Variants in TASP1 observed in about 807,000 individuals in gnomAD.
TASP1 encodes taspase 1.
In TASP1, 16 loss-of-function variants were observed where a neutral mutation model predicts 56.6. The ratio of observed to expected loss-of-function variants is 0.28; its 90% confidence interval spans 0.19 to 0.43. The LOEUF is 0.43. TASP1 is among the 20% of genes least tolerant of loss of function. The pLI is 1.00. For synonymous variants in TASP1, 179 were observed against 184.2 expected (o/e 0.97, Z 0.23); for missense variants, 393 against 511.6 (o/e 0.77, Z 2.24).
the TASP1 span, among the ~76,000 whole-genome samples, chr20:13,147,583 G>A: frequency 6.6e-6 from 1 of 152,150 alleles, no homozygotes; most frequent in Non-Finnish European, 1.5e-5. Flanking sequence ...GGAGGGGCAG[G>A]GGAAATTAGG....
At chr20:13,511,819 T>C (rs1422133214) in intron 10 of TASP1, among the ~76,000 whole-genome samples, 2 of 141,524 alleles carry the variant, frequency 1.4e-5, no homozygotes, top group African/African-American at 5.2e-5. Context: ...AGTGTTCTCA[T>C]TGTTCAATTC....
At chr20:13,582,836 T>C (rs558739276) in intron 5 of TASP1, among the ~76,000 whole-genome samples, 1 of 152,280 alleles carries the variant, frequency 6.6e-6, no homozygotes, top group African/African-American at 2.4e-5. Context: ...TGTGTGAAAA[T>C]GGATATGGGC....
In TASP1 at chr20:13,594,232, A is replaced by C. The variant is rs137904045; in HGVS notation, c.283-6862T>G. Reference sequence around the variant, plus strand: ...AAAACCCCATCTGTAGGTCACCAACATCAAAGACAAAAGGTAGATAAAACC... The same window carrying C: ...AAAACCCCATCTGTAGGTCACCAACCTCAAAGACAAAAGGTAGATAAAACC... On this transcript the variant is annotated intron_variant, in intron 4 of 13. Coordinates refer to ENST00000337743, the MANE Select transcript of TASP1 (RefSeq NM_017714.3). Among the ~76,000 whole-genome samples the C allele has an allele frequency of 2.8e-3, 432 of 152,348 alleles. 2 individuals carry two copies. The highest frequency in any genetic ancestry group is 0.014 in the Middle Eastern group (4 of 294).
the TASP1 span, among the ~76,000 whole-genome samples, chr20:13,383,235 G>C: frequency 6.6e-6 from 1 of 152,188 alleles, no homozygotes; most frequent in Non-Finnish European, 1.5e-5. Flanking sequence ...ACAGGTGACT[G>C]TCAGGACAAG....
At chr20:13,366,867 T>TACAC in the TASP1 span, among the ~76,000 whole-genome samples, 68,600 of 150,462 alleles carry the variant, frequency 0.46, 17,321 homozygotes, top group East Asian at 0.58. Context: ...CTGATTTGAC[T>TACAC]ACACACACAC....
At chr20:13,469,922 C>T (rs2044422802) in intron 11 of TASP1, among the ~76,000 whole-genome samples, 1 of 147,962 alleles carries the variant, frequency 6.8e-6, no homozygotes, top group African/African-American at 2.5e-5. Flanking sequence ...TGTTCTCCTG[C>T]CTCAGCCTCC....
chr20:13,314,764 T>C, the TASP1 span, among the ~76,000 whole-genome samples: 1 of 152,122 alleles, frequency 6.6e-6, no homozygotes, highest in Non-Finnish European at 1.5e-5. Flanking sequence ...ATCTAACAGA[T>C]AACAGTGTGT....
intron 1 of TASP1, among the ~76,000 whole-genome samples, chr20:13,631,258 A>C (rs992096080): frequency 3.3e-5 from 5 of 152,322 alleles, no homozygotes; most frequent in East Asian, 1.9e-4. Context: ...TTGCATTCAA[A>C]TATTTATACA....
intron 11 of TASP1, among the ~76,000 whole-genome samples, chr20:13,439,960 A>G (rs1395475098): frequency 6.6e-6 from 1 of 152,148 alleles, no homozygotes; most frequent in Non-Finnish European, 1.5e-5. Context: ...ACAACTCATG[A>G]AAAAGGGGCC....
the TASP1 span, among the ~76,000 whole-genome samples, chr20:13,274,169 G>A: frequency 2.0e-5 from 3 of 152,120 alleles, no homozygotes; most frequent in Non-Finnish European, 2.9e-5. Flanking sequence ...GTGTAAACCA[G>A]TTCCCTGGTG....
At chr20:13,505,512 T>A (rs2146675626) in intron 10 of TASP1, among the ~76,000 whole-genome samples, 1 of 152,278 alleles carries the variant, frequency 6.6e-6, no homozygotes, top group Non-Finnish European at 1.5e-5. Context: ...CTTTCCAGGA[T>A]GTGCTAGGCC....
At chr20:13,215,652 C>G in the TASP1 span, among the ~76,000 whole-genome samples, 2 of 152,212 alleles carry the variant, frequency 1.3e-5, no homozygotes, top group African/African-American at 4.8e-5. Context: ...CAGCCTTGTT[C>G]TGGGGAAGAA....
intron 11 of TASP1, among the ~76,000 whole-genome samples, chr20:13,455,026 C>T (rs539338434): frequency 6.6e-6 from 1 of 152,096 alleles, no homozygotes; most frequent in African/African-American, 2.4e-5. Context: ...GTCTAGGAGC[C>T]TTGGGCTGTG....
chr20:13,126,818 C>A, the TASP1 span: 2 of 1,422,992 alleles, frequency 1.4e-6, no homozygotes, highest in South Asian at 1.5e-5. Context: ...TCTTATAGAA[C>A]CCTATTTGTA....
At chr20:13,541,738 T>C (rs1300157717) in intron 8 of TASP1, among the ~76,000 whole-genome samples, 1 of 151,968 alleles carries the variant, frequency 6.6e-6, no homozygotes, top group East Asian at 1.9e-4. Flanking sequence ...GTTGAATGGA[T>C]GAATAAATAA....
chr20:13,551,961 T>C (rs2045994647), intron 8 of TASP1, among the ~76,000 whole-genome samples: 1 of 152,206 alleles, frequency 6.6e-6, no homozygotes, highest in South Asian at 2.1e-4. Context: ...GCAGAAATTA[T>C]GGAAGATACA....
chr20:13,584,780 A>G (rs2047245036), intron 5 of TASP1, among the ~76,000 whole-genome samples: 1 of 152,192 alleles, frequency 6.6e-6, no homozygotes, highest in Non-Finnish European at 1.5e-5. Context: ...AAAGCTAACT[A>G]AAATGTCTTC....
the TASP1 span, among the ~76,000 whole-genome samples, chr20:13,251,260 C>T: frequency 6.6e-6 from 1 of 152,198 alleles, no homozygotes; most frequent in Non-Finnish European, 1.5e-5. Context: ...ATCTCACCCC[C>T]CTTCCACAGG....
chr20:13,395,270 G>T (rs1180859201), intron 13 of TASP1, among the ~76,000 whole-genome samples: 1 of 152,158 alleles, frequency 6.6e-6, no homozygotes, highest in African/African-American at 2.4e-5. Context: ...AAACACTAGG[G>T]TAAAGTTGTT....
Sources: gnomAD v4.1 joint callset for allele counts (sites outside exome capture counted in the v4.1 genomes callset) on GRCh38, gnomAD v4.1.1 for gene constraint, MANE v1.5 for transcripts, NCBI Gene and HGNC (gene_info 2026-07-23, HGNC 2026-07-21) for gene names.